Variants in KPNA4 observed in about 807,000 individuals in gnomAD.
The protein encoded by KPNA4 is importin subunit alpha-3.
KPNA4 carries 13 observed loss-of-function variants against 71.3 expected under a neutral mutation model. The observed-to-expected ratio is 0.18, with a 90% CI of 0.12 to 0.29. KPNA4 has a LOEUF of 0.29. Among genes scored for constraint, KPNA4 ranks in the 10% least tolerant of loss-of-function variants. The probability of loss-of-function intolerance (pLI) is 1.00; values close to 1 mark genes in which losing one functional copy is unlikely to be tolerated. For missense variants in KPNA4, 334 were observed against 603.2 expected, an observed-to-expected ratio of 0.55 and a Z score of 4.67; for synonymous variants, 189 against 195.2, an observed-to-expected ratio of 0.97 and a Z score of 0.26.
intron 1 of KPNA4, among the ~76,000 whole-genome samples, chr3:160,556,830 G>A (rs767915347): frequency 6.6e-6 from 1 of 152,136 alleles, no homozygotes; most frequent in Admixed American, 6.5e-5. Context: ...ACAAATTTAA[G>A]GTGTCTGAAA....
At chr3:160,515,693 T>A in intron 11 of KPNA4, 113 bp from the exon 12 acceptor site, 1 of 1,178,676 alleles carries the variant, frequency 8.5e-7, no homozygotes, top group Non-Finnish European at 1.2e-6. Flanking sequence ...CAGCTCACTG[T>A]AACCTCTGCC....
In KPNA4 at chr3:160,535,845, A is replaced by C. The variant is rs1163721154; in HGVS notation, c.167T>G (p.Ile56Ser). 4 of 1,295,436 alleles carry C rather than the reference A, an allele frequency of 3.1e-6. No homozygotes were observed. In the African/African-American group the frequency reaches 6.4e-5, roughly 21 times the overall value. 80.2% of individuals were successfully genotyped at this position (1,295,436 alleles called of 1,614,324 possible). The change falls in exon 3 of 17, where the codon ATC becomes AGC. Residue 56 changes from isoleucine to serine, a missense_variant. Ile to Ser is a moderately radical substitution (Grantham distance 142). Coordinates refer to ENST00000334256, the MANE Select transcript of KPNA4 (RefSeq NM_002268.5). ...LKRRNVPHED[I>S]CEDSDIDGDY... ...ACCATCTATATCAGAGTCTTCACAGATATCTTCATGTGGTACATTCCTTCT... is the reference window on the plus strand; with the variant it reads ...ACCATCTATATCAGAGTCTTCACAGCTATCTTCATGTGGTACATTCCTTCT...
rs1721451987 is a variant in KPNA4, at chr3:160,526,097, G to C, written c.567C>G (p.Pro189=). Residue 189 remains proline, a synonymous_variant, in exon 9 of 17, where the codon CCC becomes CCG. Coordinates refer to ENST00000334256, the MANE Select transcript of KPNA4 (RefSeq NM_002268.5). ...GACTTATGACATAATCTCTACACTG[G>C]GGCCCATCACCTGTAGAAAAAAAGG... The part of the protein sequence containing the change: ...WALGNIIGDG[P]QCRDYVISLG... 1.3e-6 allele frequency: 2 copies of C among 1,536,606 alleles called. No individual in the cohort carries two copies. The highest frequency in any genetic ancestry group is 8.7e-7 in the Non-Finnish European group (1 of 1,148,126).
In KPNA4 at chr3:160,535,900, TAAAAA is replaced by T. The variant is rs71628425; in HGVS notation, c.115-8_115-4del. 16 of 324,012 alleles carry T rather than the reference TAAAAA, an allele frequency of 4.9e-5. No homozygotes were observed. Among genetic ancestry groups the T allele is most frequent in the East Asian group, 7.2e-5 (1 of 13,890 alleles). The allele number at this position is 324,012 out of a possible 1,614,324, so 20.1% of individuals were successfully genotyped here. On this transcript the variant is annotated splice_polypyrimidine_tract_variant and splice_region_variant and intron_variant, in intron 2 of 16. Transcript: ENST00000334256. ...AAGAGATGTTCATCTCTTTTATTCT[TAAAAA>T]AAAAAAAAAAAAAAAAAAAACCAAA...
intron 10 of KPNA4, among the ~76,000 whole-genome samples, chr3:160,524,792 G>T (rs917868628): frequency 6.6e-6 from 1 of 152,116 alleles, no homozygotes; most frequent in African/African-American, 2.4e-5. Flanking sequence ...CTACCACAGA[G>T]ATCATGTTCA....
intron 7 of KPNA4, among the ~76,000 whole-genome samples, chr3:160,528,857 A>G (rs1219132811): frequency 1.3e-5 from 2 of 152,198 alleles, no homozygotes; most frequent in Admixed American, 1.3e-4. Flanking sequence ...TTTCCTTCTG[A>G]TATTACTTTA....
intron 1 of KPNA4, among the ~76,000 whole-genome samples, chr3:160,556,869 T>C (rs1027053527): frequency 6.6e-6 from 1 of 152,238 alleles, no homozygotes; most frequent in Non-Finnish European, 1.5e-5. Flanking sequence ...CCCAATTCTA[T>C]AGATATATCT....
intron 11 of KPNA4, among the ~76,000 whole-genome samples, chr3:160,518,126 T>G (rs1577050135): frequency 6.6e-6 from 1 of 151,216 alleles, no homozygotes. Context: ...TGATCTATTC[T>G]GAGTTTTTTT....
chr3:160,555,589 G>A (rs575499241), intron 1 of KPNA4, among the ~76,000 whole-genome samples: 84 of 152,236 alleles, frequency 5.5e-4, no homozygotes, highest in African/African-American at 1.7e-3. Context: ...TGTAAGAAAA[G>A]TCATGTGAAT....
chr3:160,512,181 A>C (rs1224916980), intron 13 of KPNA4, among the ~76,000 whole-genome samples: 1 of 152,176 alleles, frequency 6.6e-6, no homozygotes, highest in Admixed American at 6.5e-5. Context: ...CAAAATCAAG[A>C]TACCATAGAA....
At chr3:160,554,216 T>A (rs1054827639) in intron 1 of KPNA4, among the ~76,000 whole-genome samples, 8 of 152,214 alleles carry the variant, frequency 5.3e-5, no homozygotes, top group Non-Finnish European at 1.0e-4. Context: ...CTTTGAGATA[T>A]AATTTACATA....
chr3:160,519,629 C>A (rs1167358189), intron 11 of KPNA4, among the ~76,000 whole-genome samples: 3 of 150,746 alleles, frequency 2.0e-5, no homozygotes, highest in Non-Finnish European at 4.4e-5. Flanking sequence ...CCCGTCTCTA[C>A]TAAAAAATAC....
At chr3:160,527,707 T>A (rs1272475992) in intron 8 of KPNA4, among the ~76,000 whole-genome samples, 1 of 152,290 alleles carries the variant, frequency 6.6e-6, no homozygotes, top group Non-Finnish European at 1.5e-5. Flanking sequence ...ATTGTATACA[T>A]CTTGCATAAT....
chr3:160,502,225 A>C, intron 16 of KPNA4, 23 bp from the exon 17 acceptor site: 1 of 1,305,920 alleles, frequency 7.7e-7, no homozygotes, highest in Non-Finnish European at 1.1e-6. Context: ...AAAGAAAAAG[A>C]ATGTGATAAT....
At chr3:160,559,797 C>T (rs760200132) in intron 1 of KPNA4, among the ~76,000 whole-genome samples, 37 of 152,058 alleles carry the variant, frequency 2.4e-4, no homozygotes, top group Non-Finnish European at 4.7e-4. Flanking sequence ...AATGCAGAAA[C>T]AGATGAGAAT....
chr3:160,541,674 C>G (rs555767691), intron 1 of KPNA4, among the ~76,000 whole-genome samples: 1 of 151,686 alleles, frequency 6.6e-6, no homozygotes, highest in Non-Finnish European at 1.5e-5. Flanking sequence ...CACACACACA[C>G]ACACACACGC....
Position 160,526,024 on chromosome 3 carries a change from T to C in KPNA4, c.640A>G (p.Ile214Val), listed in dbSNP as rs1192104737. The C allele has an allele frequency of 6.2e-7, 1 of 1,602,964 alleles. No homozygotes were observed. The highest frequency in any genetic ancestry group is 8.5e-7 in the Non-Finnish European group (1 of 1,175,532). ...LLSFISPSIP[I>V]TFLRNVTWVM... Reference sequence around the variant, plus strand: ...CAAGTAACATTTCTTAAGAATGTTATAGGAATAGATGGACTTATGAAGGAA... The same window carrying C: ...CAAGTAACATTTCTTAAGAATGTTACAGGAATAGATGGACTTATGAAGGAA... The change falls in exon 9 of 17, where the codon ATA (isoleucine) becomes GTA (valine). Residue 214 changes from isoleucine to valine, a missense_variant. Physicochemically the swap from Ile to Val is conservative, Grantham distance 29. Coordinates refer to ENST00000334256, the MANE Select transcript of KPNA4 (RefSeq NM_002268.5).
chr3:160,524,397 C>T (rs1266264452), intron 10 of KPNA4, among the ~76,000 whole-genome samples: 1 of 152,102 alleles, frequency 6.6e-6, no homozygotes, highest in Non-Finnish European at 1.5e-5. Context: ...GGCTGCAGTG[C>T]AGTGACATGA....
intron 10 of KPNA4, among the ~76,000 whole-genome samples, chr3:160,522,883 GAA>G (rs11400875): frequency 7.3e-6 from 1 of 137,354 alleles, no homozygotes; most frequent in Non-Finnish European, 1.6e-5. Context: ...TGCTACTTAT[GAA>G]AAAAAAAAAA....
Sources: allele counts gnomAD v4.1 joint callset (sites outside exome capture counted in the v4.1 genomes callset), GRCh38; gene constraint gnomAD v4.1.1; transcripts MANE v1.5; gene names NCBI Gene and HGNC (gene_info 2026-07-23, HGNC 2026-07-21).